Variants in MOBP observed in about 807,000 individuals in gnomAD.
MOBP encodes myelin-associated oligodendrocyte basic protein.
Under a neutral mutation model 15.0 loss-of-function variants are expected in MOBP, and 5 were observed. That is an observed-to-expected ratio of 0.33 (90% CI 0.17 to 0.70). The LOEUF (loss-of-function observed/expected upper bound fraction) is 0.70. MOBP is among the 30% of genes least tolerant of loss of function. The probability of loss-of-function intolerance (pLI) is 0.67; values close to 1 mark genes in which losing one functional copy is unlikely to be tolerated. For synonymous variants in MOBP, 88 were observed against 99.0 expected (o/e 0.89, Z 0.66); for missense variants, 188 against 257.8 (o/e 0.73, Z 1.85).
intron 2 of MOBP, among the ~76,000 whole-genome samples, chr3:39,484,601 A>G (rs1559417609): frequency 6.6e-6 from 1 of 152,164 alleles, no homozygotes; most frequent in Non-Finnish European, 1.5e-5. Flanking sequence ...GTGTCCATAA[A>G]CTAAAACCAT....
downstream of MOBP, among the ~76,000 whole-genome samples, chr3:39,520,558 ATGTG>A (rs900444106): frequency 8.9e-6 from 1 of 112,476 alleles, no homozygotes; most frequent in Admixed American, 9.1e-5. Flanking sequence ...GTGTGTGTGT[ATGTG>A]TGTGTGTGTG....
At chr3:39,474,630 A>G (rs2125625098) in intron 1 of MOBP, among the ~76,000 whole-genome samples, 1 of 152,292 alleles carries the variant, frequency 6.6e-6, no homozygotes, top group East Asian at 1.9e-4. Flanking sequence ...TCATCCCTCT[A>G]AAAAGCCATT....
rs2042386954 is a variant in MOBP, at chr3:39,468,780, ATATACATG to A, written c.-89+1042_-89+1049del. On this transcript the variant is annotated intron_variant, in intron 1 of 3. Coordinates refer to ENST00000684792, the MANE Select transcript of MOBP (RefSeq NM_001393704.1). ...TATACATGTGTGTGTATATATACAT[ATATACATG>A]TGTGTGTATATATACATATGTGTGT... Among the ~76,000 whole-genome samples, 5 of 88,844 alleles carry A rather than the reference ATATACATG, an allele frequency of 5.6e-5. 1 individual carries two copies. In the South Asian group the frequency reaches 1.7e-3, roughly 30 times the overall value. The allele number at this position is 88,844 out of a possible 152,430, so 58.3% of individuals were successfully genotyped here. A position where few individuals can be genotyped will look rare whatever the true frequency, so the allele number is the denominator to read the frequency against.
Position 39,515,255 on chromosome 3 carries a change from G to A in MOBP, c.*1872G>A, listed in dbSNP as rs186097976. On this transcript the variant is annotated 3_prime_UTR_variant, in exon 5 of 5. Coordinates refer to the MOBP transcript ENST00000311042. ...TGCTTTCCCTATTCAGCCCAGAGTT[G>A]GGGTGGTGGGAGAAGAGGGGTTGGA... The A allele has an allele frequency of 1.4e-4, 21 of 152,466 alleles. No individual in the cohort carries two copies. The East Asian group carries it at 3.7e-3, about 27-fold the overall frequency. The allele number at this position is 152,466 out of a possible 1,614,324, so 9.4% of individuals were successfully genotyped here.
chr3:39,521,291 T>C (rs941208955), intron 3 of MOBP, among the ~76,000 whole-genome samples: 11 of 152,322 alleles, frequency 7.2e-5, no homozygotes, highest in African/African-American at 2.6e-4. Context: ...ACCATTAGGA[T>C]AGAACTAATT....
rs374237047 is a variant in MOBP at position 39,521,912 on chromosome 3, C to T, written c.*259-2331C>T. Among the ~76,000 whole-genome samples the T allele has an allele frequency of 2.4e-4, 37 of 152,286 alleles. No individual in the cohort carries two copies. In the South Asian group the frequency reaches 7.7e-3, roughly 32 times the overall value. The stretch of plus-strand genomic sequence containing the variant: ...AGAATCACAGGTACATTGCGCATAA[C>T]CTGTGTTGACAAGTGCTCATTTTAA... On this transcript the variant is annotated intron_variant and NMD_transcript_variant, in intron 3 of 4. Transcript: ENST00000424090.
downstream of MOBP, chr3:39,516,108 G>A (rs1034456004): frequency 7.9e-5 from 12 of 152,164 alleles, no homozygotes; most frequent in African/African-American, 2.4e-4. Flanking sequence ...AACTGTTGGC[G>A]ACCGTGTAGG....
chr3:39,522,606 A>G (rs1257908642), intron 3 of MOBP, among the ~76,000 whole-genome samples: 2 of 152,258 alleles, frequency 1.3e-5, no homozygotes, highest in Non-Finnish European at 2.9e-5. Flanking sequence ...TGCTACAACA[A>G]ACAGACTTTG....
chr3:39,496,975 A>T (rs769553285), intron 2 of MOBP, among the ~76,000 whole-genome samples: 13 of 151,920 alleles, frequency 8.6e-5, no homozygotes, highest in South Asian at 4.2e-4. Flanking sequence ...GCTAATTTTT[A>T]TACTTTTAGT....
downstream of MOBP, among the ~76,000 whole-genome samples, chr3:39,504,007 C>A (rs2125658761): frequency 6.6e-6 from 1 of 152,242 alleles, no homozygotes; most frequent in East Asian, 1.9e-4. Context: ...GCAGACTACA[C>A]AATGAGCAAT....
downstream of MOBP, among the ~76,000 whole-genome samples, chr3:39,519,907 A>G (rs1416361931): frequency 2.0e-5 from 3 of 147,986 alleles, no homozygotes; most frequent in Non-Finnish European, 3.0e-5. Flanking sequence ...TCTAACTCCT[A>G]TCTTCCATCT....
At position 39,502,844 on chromosome 3, in the gene MOBP, TG is replaced by T; in HGVS notation, c.522del (p.Ser175ProfsTer53). 5 of 1,486,328 alleles carry T rather than the reference TG, an allele frequency of 3.4e-6. No individual in the cohort carries two copies. The highest frequency in any genetic ancestry group is 3.6e-6 in the Non-Finnish European group (4 of 1,109,948). The allele number at this position is 1,486,328 out of a possible 1,614,324, so 92.1% of individuals were successfully genotyped here. A position where few individuals can be genotyped will look rare whatever the true frequency, so the allele number is the denominator to read the frequency against. On this transcript the variant is annotated frameshift_variant, in exon 4 of 4. Transcript: ENST00000684792. LOFTEE classifies it high-confidence loss of function. The surrounding 1 kb of genome is among the most constrained non-coding windows in gnomAD (Gnocchi z 6.3). ...CCCTCAGAGGGCCAGGCGCCAGCCG[TG>T]GGGGGTCCCCCGTCAAAGCTTCTAG... ...SPLRGPGASR[G>X]GSPVKASRFW is the part of the protein sequence containing the mutation.
chr3:39,496,220 G>A (rs2042879244), intron 2 of MOBP, among the ~76,000 whole-genome samples: 1 of 147,368 alleles, frequency 6.8e-6, no homozygotes, highest in Non-Finnish European at 1.5e-5. Flanking sequence ...TGTTTTTTGA[G>A]ACGGATCTTG....
intron 2 of MOBP, among the ~76,000 whole-genome samples, chr3:39,491,508 T>C (rs1338593891): frequency 2.0e-5 from 3 of 151,416 alleles, no homozygotes; most frequent in African/African-American, 7.4e-5. Flanking sequence ...TCAATGGGTA[T>C]GATTTAGGAA....
In MOBP at chr3:39,502,286, G is replaced by A. The variant is rs1163928780; in HGVS notation, c.206+11G>A. ...CTGCCAGAAGACCAGGTAAGCGGCC[G>A]CCCAGCCCCGCGGCACCAGTTGGGC... On this transcript the variant is annotated intron_variant, in intron 3 of 3. Coordinates refer to ENST00000684792, the MANE Select transcript of MOBP (RefSeq NM_001393704.1). This position sits in a 1 kb window ranked among gnomAD's most constrained non-coding sequence, Gnocchi z 6.3. The A allele has an allele frequency of 2.5e-6, 4 of 1,613,664 alleles. No homozygotes were observed. The highest frequency in any genetic ancestry group is 3.4e-6 in the Non-Finnish European group (4 of 1,179,982).
chr3:39,514,880 A>C (rs1254023832), exon 5 of MOBP: 2 of 152,364 alleles, frequency 1.3e-5, no homozygotes, highest in Admixed American at 1.3e-4. Context: ...CCCTACACAC[A>C]AACACATGCT....
intron 1 of MOBP, among the ~76,000 whole-genome samples, chr3:39,468,158 A>AT (rs2042370676): frequency 6.6e-6 from 1 of 151,552 alleles, no homozygotes; most frequent in Non-Finnish European, 1.5e-5. Flanking sequence ...TCTAGGAACA[A>AT]TTTTTTTCCT....
At chr3:39,520,337 A>G (rs976947461), downstream of MOBP, among the ~76,000 whole-genome samples, 1 of 152,164 alleles carries the variant, frequency 6.6e-6, no homozygotes, top group Non-Finnish European at 1.5e-5. Context: ...TTCACCTACA[A>G]TTTTAACTTA....
At chr3:39,503,550 G>T (rs572204624), downstream of MOBP, among the ~76,000 whole-genome samples, 36 of 81,128 alleles carry the variant, frequency 4.4e-4, no homozygotes, top group East Asian at 0.011. Context: ...GGCTCTGTAG[G>T]CTATTTTTTT....
Sources: gnomAD v4.1 joint callset for allele counts (sites outside exome capture counted in the v4.1 genomes callset) on GRCh38, gnomAD v4.1.1 for gene constraint, Gnocchi (gnomAD v3.1) non-coding constraint, MANE v1.5 for transcripts, NCBI Gene and HGNC (gene_info 2026-07-23, HGNC 2026-07-21) for gene names.